The following TMED6 variants were observed in gnomAD, a reference collection of about 807,000 sequenced individuals.
The protein encoded by TMED6 is transmembrane p24 trafficking protein 6.
Under a neutral mutation model 26.5 loss-of-function variants are expected in TMED6, and 17 were observed. The ratio of observed to expected loss-of-function variants is 0.64; its 90% CI spans 0.44 to 0.96. TMED6 has a LOEUF of 0.96. Ranked by LOEUF, TMED6 falls within the 40% of genes least tolerant of loss-of-function variation. TMED6 has a pLI of 0.00. For synonymous variants in TMED6, 107 were observed against 106.2 expected, an observed-to-expected ratio of 1.01 and a Z score of -0.04; for missense variants, 309 against 296.5, an observed-to-expected ratio of 1.04 and a Z score of -0.31.
chr16:69,349,783 C>A, intron 1 of TMED6, 132 bp from the exon 2 acceptor site: 1 of 1,172,546 alleles, frequency 8.5e-7, no homozygotes, highest in East Asian at 2.6e-5. Flanking sequence ...CAACCCCCTG[C>A]TGGGGTTTGG....
At chr16:69,347,380 A>G (rs1445358668) in intron 3 of TMED6, among the ~76,000 whole-genome samples, 1 of 152,218 alleles carries the variant, frequency 6.6e-6, no homozygotes, top group Non-Finnish European at 1.5e-5. Context: ...ATTTATTTTG[A>G]GACGGTGTCT....
At chr16:69,349,946 CG>C (rs2012749231) in intron 1 of TMED6, among the ~76,000 whole-genome samples, 1 of 152,138 alleles carries the variant, frequency 6.6e-6, no homozygotes, top group African/African-American at 2.4e-5. Flanking sequence ...ATGCCTTGCT[CG>C]GAACACACAG....
At chr16:69,351,466 G>T in intron 1 of TMED6, 75 bp downstream of exon 1, 3 of 1,394,052 alleles carry the variant, frequency 2.2e-6, no homozygotes, top group South Asian at 1.2e-5. Flanking sequence ...ACCTTGTTTT[G>T]GCCTAAAACC....
intron 3 of TMED6, among the ~76,000 whole-genome samples, chr16:69,344,159 A>T (rs2012640668): frequency 6.6e-6 from 1 of 151,984 alleles, no homozygotes; most frequent in Non-Finnish European, 1.5e-5. Flanking sequence ...ATAATGGAAA[A>T]CTTCAGTACT....
intron 3 of TMED6, among the ~76,000 whole-genome samples, chr16:69,344,617 AC>A (rs2012652038): frequency 6.6e-6 from 1 of 151,696 alleles, no homozygotes; most frequent in South Asian, 2.1e-4. Flanking sequence ...TACTAAAAAT[AC>A]AAAAATTAGC....
At chr16:69,348,685 G>A (rs908088877) in intron 2 of TMED6, among the ~76,000 whole-genome samples, 4 of 151,884 alleles carry the variant, frequency 2.6e-5, no homozygotes, top group Admixed American at 2.0e-4. Context: ...GCGCGCTCTC[G>A]GCCCACTGCA....
chr16:69,344,918 A>G (rs1095599), intron 3 of TMED6, among the ~76,000 whole-genome samples: 11 of 134,512 alleles, frequency 8.2e-5, no homozygotes, highest in East Asian at 2.3e-4. Flanking sequence ...GTGATACCCC[A>G]TCTCTACTAA....
At chr16:69,348,579 T>C (rs1468793856) in intron 2 of TMED6, among the ~76,000 whole-genome samples, 2 of 151,302 alleles carry the variant, frequency 1.3e-5, no homozygotes, top group Admixed American at 6.6e-5. Context: ...GTCAAAATGA[T>C]TGGAAGGCAC....
chr16:69,343,695 C>G, intron 3 of TMED6, 55 bp from the exon 4 acceptor site: 1 of 1,489,220 alleles, frequency 6.7e-7, no homozygotes, highest in Non-Finnish European at 9.3e-7. Flanking sequence ...CTAGCCTCAC[C>G]TGAGCGCTCA....
At chr16:69,346,012 T>C (rs1192297865) in intron 3 of TMED6, among the ~76,000 whole-genome samples, 16 of 152,206 alleles carry the variant, frequency 1.1e-4, no homozygotes. Flanking sequence ...CAGACATTTC[T>C]CCAAAGAAGA....
chr16:69,348,162 A>C, intron 2 of TMED6: 1 of 429,222 alleles, frequency 2.3e-6, no homozygotes, highest in Non-Finnish European at 4.2e-6. Flanking sequence ...CGTTCTTTCC[A>C]TACTGGGTAG....
chr16:69,349,871 G>GT (rs1285888482), intron 1 of TMED6, among the ~76,000 whole-genome samples: 1 of 152,194 alleles, frequency 6.6e-6, no homozygotes, highest in Non-Finnish European at 1.5e-5. Flanking sequence ...CGTCTGCAAT[G>GT]TAAGAAACAG....
In TMED6 at chr16:69,343,651, G is replaced by A. The variant is rs760535172; in HGVS notation, c.490-11C>T. 3 of 1,605,962 alleles carry A rather than the reference G, an allele frequency of 1.9e-6. No individual in the cohort carries two copies. Among genetic ancestry groups the A allele is most frequent in the Admixed American group, 3.3e-5 (2 of 59,886 alleles). Reference sequence around the variant, plus strand: ...CTTTTGTGTGCCGTCCTATGAGAGAGACAATTTTAAGGGGGATTCTTCCAA... The same window carrying A: ...CTTTTGTGTGCCGTCCTATGAGAGAAACAATTTTAAGGGGGATTCTTCCAA... On this transcript the variant is annotated splice_polypyrimidine_tract_variant and intron_variant, in intron 3 of 3. Transcript: ENST00000288025.
chr16:69,344,358 G>T (rs2012646767), intron 3 of TMED6, among the ~76,000 whole-genome samples: 1 of 152,182 alleles, frequency 6.6e-6, no homozygotes, highest in Non-Finnish European at 1.5e-5. Flanking sequence ...TCTTGCCATT[G>T]TAGTACAAAA....
chr16:69,343,654 A>G lies in TMED6; in HGVS notation c.490-14T>C, dbSNP rs753617245. ...TTGTGTGCCGTCCTATGAGAGAGAC[A>G]ATTTTAAGGGGGATTCTTCCAAACC... On this transcript the variant is annotated splice_polypyrimidine_tract_variant and intron_variant, in intron 3 of 3. Transcript: ENST00000288025. 1.9e-6 allele frequency: 3 copies of G among 1,604,932 alleles called. No individual in the cohort carries two copies. The South Asian group carries it at 3.3e-5, about 18-fold the overall frequency.
intron 3 of TMED6, among the ~76,000 whole-genome samples, chr16:69,344,887 A>C (rs826997): frequency 6.6e-6 from 1 of 151,520 alleles, no homozygotes; most frequent in East Asian, 1.9e-4. Context: ...TCAGGAGTTC[A>C]AGACCAGCCT....
At position 69,351,739 on chromosome 16, in the gene TMED6, G is replaced by A. The variant is rs1266779742; in HGVS notation, c.15C>T (p.Leu5=). The change falls in exon 1 of 4, where the codon CTC becomes CTT. Residue 5 remains leucine, a synonymous_variant. Coordinates refer to ENST00000288025, the MANE Select transcript of TMED6 (RefSeq NM_144676.4). ...TCAGAACGACCAGCCCAGCCCCAAA[G>A]AGCAAAGGGGACATGCCGCTTTCTG... MSPL[L]FGAGLVVLNL... 6.2e-7 allele frequency: 1 copy of A among 1,612,724 alleles called. No individual in the cohort carries two copies. The highest frequency in any genetic ancestry group is 1.3e-5 in the African/African-American group (1 of 74,802).
rs752533376 is a variant in TMED6 at position 69,351,500 on chromosome 16, GA to G, written c.213+40del. 2,284 of 1,388,426 alleles carry G rather than the reference GA, an allele frequency of 1.6e-3. 2 individuals carry two copies. The highest frequency in any genetic ancestry group is 0.011 in the African/African-American group (736 of 68,056). The allele number at this position is 1,388,426 out of a possible 1,614,324, so 86.0% of individuals were successfully genotyped here. A position where few individuals can be genotyped will look rare whatever the true frequency, so the allele number is the denominator to read the frequency against. ...CCTGACCCACTTTATGAGTAAAGGA[GA>G]AAAAAAAAAGCCCCCCAGTATGGCC... On this transcript the variant is annotated intron_variant, in intron 1 of 3. Transcript: ENST00000288025.
intron 3 of TMED6, among the ~76,000 whole-genome samples, chr16:69,345,678 C>CA (rs34468905): frequency 0.031 from 1,319 of 43,178 alleles, 73 homozygotes; most frequent in Middle Eastern, 0.083. Context: ...CTGACTCTCT[C>CA]AAAAAAAAAA....
Sources: allele counts gnomAD v4.1 joint callset (sites outside exome capture counted in the v4.1 genomes callset), GRCh38; gene constraint gnomAD v4.1.1; transcripts MANE v1.5; gene names NCBI Gene and HGNC (gene_info 2026-07-23, HGNC 2026-07-21).